The following UBE2H variants were observed in gnomAD, a reference collection of about 807,000 sequenced individuals.
UBE2H encodes the protein ubiquitin-conjugating enzyme E2 H.
A neutral mutation model predicts 29.0 loss-of-function variants in UBE2H; 3 were observed. The observed-to-expected ratio is 0.10, with a 90% CI of 0.05 to 0.27. The LOEUF (loss-of-function observed/expected upper bound fraction) is 0.27, where lower values mean the gene tolerates loss of function less well. Among genes scored for constraint, UBE2H ranks in the 10% least tolerant of loss-of-function variants. The probability of loss-of-function intolerance (pLI) is 1.00; values close to 1 mark genes in which losing one functional copy is unlikely to be tolerated. For missense variants in UBE2H, 68 were observed against 228.2 expected (o/e 0.30, Z 4.52); for synonymous variants, 69 against 82.9 (o/e 0.83, Z 0.91).
chr7:129,920,848 C>CAAAAAAAAAAAAAAAAAAAAAGAA (rs1807145435), intron 1 of UBE2H, among the ~76,000 whole-genome samples: 1 of 73,998 alleles, frequency 1.4e-5, no homozygotes, highest in African/African-American at 5.1e-5. Context: ...TAGAAAAAGT[C>CAAAAAAAAAAAAAAAAAAAAAGAA]AAAAAAAAAA....
intron 1 of UBE2H, among the ~76,000 whole-genome samples, chr7:129,932,199 C>CT (rs1433935562): frequency 6.6e-6 from 1 of 150,822 alleles, no homozygotes; most frequent in Non-Finnish European, 1.5e-5. Context: ...TCTCGGCTCA[C>CT]TGCAAGCTCC....
intron 2 of UBE2H, among the ~76,000 whole-genome samples, chr7:129,880,411 CAGA>C (rs1215584272): frequency 6.6e-6 from 1 of 152,112 alleles, no homozygotes; most frequent in Non-Finnish European, 1.5e-5. Context: ...AAGGCTGAGG[CAGA>C]AGAATTGCTT....
intron 1 of UBE2H, among the ~76,000 whole-genome samples, chr7:129,943,729 T>C (rs1433280692): frequency 2.0e-5 from 3 of 152,042 alleles, no homozygotes; most frequent in African/African-American, 7.2e-5. Flanking sequence ...GGCAAAACCC[T>C]GTCTCTAACT....
intron 5 of UBE2H, among the ~76,000 whole-genome samples, chr7:129,855,408 G>A (rs1221566556): frequency 1.3e-5 from 2 of 152,180 alleles, no homozygotes. Flanking sequence ...CAGGCAGCCT[G>A]CCATGAGACA....
chr7:129,911,910 TG>T (rs1489614809), intron 1 of UBE2H, among the ~76,000 whole-genome samples: 1 of 152,168 alleles, frequency 6.6e-6, no homozygotes. Flanking sequence ...CCCAAAGTGC[TG>T]GGATTACAGA....
chr7:129,858,991 A>G (rs765109981), intron 3 of UBE2H, 50 bp from the exon 4 acceptor site: 1 of 1,484,630 alleles, frequency 6.7e-7, no homozygotes, highest in Non-Finnish European at 9.4e-7. Context: ...GAGAACAATA[A>G]AAGTATTTCA....
At chr7:129,907,500 T>A (rs1270652772) in intron 1 of UBE2H, among the ~76,000 whole-genome samples, 1 of 152,182 alleles carries the variant, frequency 6.6e-6, no homozygotes, top group African/African-American at 2.4e-5. Flanking sequence ...GAGGTTCATG[T>A]AGCCGGGTTG....
intron 1 of UBE2H, among the ~76,000 whole-genome samples, chr7:129,938,373 G>A (rs927762623): frequency 8.4e-6 from 1 of 119,048 alleles, no homozygotes; most frequent in African/African-American, 3.2e-5. Context: ...TGGCACCACT[G>A]CACTCCAGCG....
At chr7:129,918,877 G>A (rs763308088) in intron 1 of UBE2H, among the ~76,000 whole-genome samples, 1 of 152,108 alleles carries the variant, frequency 6.6e-6, no homozygotes, top group Non-Finnish European at 1.5e-5. Context: ...GAGCCCGGGA[G>A]TTTGAAATCA....
intron 1 of UBE2H, among the ~76,000 whole-genome samples, chr7:129,882,728 C>T (rs1044333679): frequency 2.6e-5 from 4 of 152,176 alleles, no homozygotes; most frequent in Admixed American, 2.0e-4. Flanking sequence ...CACCCTCTGA[C>T]ATCCTGCAAA....
At chr7:129,839,063 G>A (rs1490486058) in intron 6 of UBE2H, 144 bp downstream of exon 6, 3 of 1,237,730 alleles carry the variant, frequency 2.4e-6, no homozygotes, top group Non-Finnish European at 3.3e-6. Flanking sequence ...CGAGGTTGGT[G>A]AGCACTACTT....
intron 5 of UBE2H, among the ~76,000 whole-genome samples, chr7:129,843,341 A>G (rs912904163): frequency 1.0e-4 from 15 of 146,628 alleles, no homozygotes; most frequent in Non-Finnish European, 2.1e-4. Context: ...TAATGCTTAC[A>G]TAGTGCTTAC....
chr7:129,938,257 C>A (rs1013169875), intron 1 of UBE2H, among the ~76,000 whole-genome samples: 4 of 151,154 alleles, frequency 2.6e-5, no homozygotes, highest in African/African-American at 9.7e-5. Context: ...CAAAAATATA[C>A]AAAAATTAGC....
intron 3 of UBE2H, 91 bp from the exon 4 acceptor site, chr7:129,859,032 G>A (rs1323733937): frequency 2.9e-6 from 3 of 1,036,182 alleles, no homozygotes; most frequent in Non-Finnish European, 4.4e-6. Flanking sequence ...ATTGGGAAAA[G>A]GTGATAATAC....
intron 3 of UBE2H, among the ~76,000 whole-genome samples, chr7:129,871,408 T>C (rs1032202618): frequency 6.6e-6 from 1 of 152,214 alleles, no homozygotes; most frequent in African/African-American, 2.4e-5. Flanking sequence ...TTCTCTCTAC[T>C]GGAATTCAAA....
intron 1 of UBE2H, among the ~76,000 whole-genome samples, chr7:129,905,624 A>G (rs1170145233): frequency 6.6e-6 from 1 of 152,172 alleles, no homozygotes; most frequent in Non-Finnish European, 1.5e-5. Context: ...ACAGAGGAGG[A>G]AAAGGATTTT....
chr7:129,890,482 C>T (rs1355492983), intron 1 of UBE2H, among the ~76,000 whole-genome samples: 2 of 151,914 alleles, frequency 1.3e-5, no homozygotes, highest in South Asian at 2.1e-4. Flanking sequence ...CAGGTTGAAG[C>T]GATTCTCCTG....
chr7:129,922,859 C>A (rs1323529156), intron 1 of UBE2H, among the ~76,000 whole-genome samples: 1 of 151,992 alleles, frequency 6.6e-6, no homozygotes, highest in Admixed American at 6.6e-5. Flanking sequence ...GTAGCTGGGA[C>A]TACAAGTGCA....
intron 1 of UBE2H, among the ~76,000 whole-genome samples, chr7:129,901,591 C>T (rs1044451792): frequency 6.6e-6 from 1 of 152,058 alleles, no homozygotes; most frequent in Non-Finnish European, 1.5e-5. Flanking sequence ...TCTGATATTT[C>T]CAATCTAGTA....
Sources: gnomAD v4.1 joint callset for allele counts (sites outside exome capture counted in the v4.1 genomes callset) on GRCh38, gnomAD v4.1.1 for gene constraint, MANE v1.5 for transcripts, NCBI Gene and HGNC (gene_info 2026-07-23, HGNC 2026-07-21) for gene names.